PCDHGA1: variants seen among roughly 807,000 people sequenced by gnomAD.
PCDHGA1 encodes the protein protocadherin gamma subfamily A, 1.
PCDHGA1 carries 32 observed loss-of-function variants against 58.0 expected under a neutral mutation model. The ratio of observed to expected loss-of-function variants is 0.55; its 90% CI spans 0.42 to 0.74. PCDHGA1 has a LOEUF of 0.74. PCDHGA1 is among the 30% of genes least tolerant of loss of function. The pLI is 0.00. For missense variants in PCDHGA1, 1,205 were observed against 1,182.3 expected, an observed-to-expected ratio of 1.02 and a Z score of -0.28; for synonymous variants, 498 against 501.1, an observed-to-expected ratio of 0.99 and a Z score of 0.08.
intron 1 of PCDHGA1, chr5:141,345,744 G>T (rs780252025): frequency 1.9e-6 from 3 of 1,614,082 alleles, no homozygotes; most frequent in African/African-American, 1.3e-5. Flanking sequence ...CCCCACAGAC[G>T]GTTCCACTGG....
chr5:141,508,241 T>G (rs1475142426), intron 3 of PCDHGA1: 2 of 152,286 alleles, frequency 1.3e-5, no homozygotes, highest in East Asian at 3.9e-4. Context: ...CTCCTAAGTC[T>G]GCCTCTCCTG....
At chr5:141,416,717 A>G (rs1227713508) in intron 1 of PCDHGA1, 1 of 152,256 alleles carries the variant, frequency 6.6e-6, no homozygotes, top group Admixed American at 6.5e-5. Flanking sequence ...GGTACTGATG[A>G]GTTCATTTAG....
chr5:141,489,636 C>A lies in PCDHGA1; in HGVS notation c.2422-5171C>A, dbSNP rs753380268. 3.8e-5 allele frequency: 62 copies of A among 1,614,074 alleles called. No individual in the cohort carries two copies. The highest frequency in any genetic ancestry group is 5.1e-5 in the Non-Finnish European group (60 of 1,180,038). ...TGGATCTCAATGACAACTCTCCTAG[C>A]TTTGCCACCCCTGAGCGAGAGATGC... is the stretch of plus-strand genomic sequence containing the variant. On this transcript the variant is annotated intron_variant, in intron 1 of 3. Coordinates refer to ENST00000517417, the MANE Select transcript of PCDHGA1 (RefSeq NM_018912.3). The surrounding 1 kb of genome is among the most constrained non-coding windows in gnomAD (Gnocchi z 4.5).
intron 1 of PCDHGA1, chr5:141,344,367 G>T (rs1168102648): frequency 6.2e-7 from 1 of 1,613,568 alleles, no homozygotes; most frequent in Non-Finnish European, 8.5e-7. Context: ...TCTGGTTGAG[G>T]ATAAATTGAA....
intron 1 of PCDHGA1, among the ~76,000 whole-genome samples, chr5:141,488,350 C>G (rs1191478919): frequency 6.6e-6 from 1 of 152,176 alleles, no homozygotes; most frequent in Non-Finnish European, 1.5e-5. Context: ...GAAACAGCCA[C>G]CCTGTGCATC....
intron 1 of PCDHGA1, among the ~76,000 whole-genome samples, chr5:141,484,720 G>A (rs1458277947): frequency 2.6e-5 from 4 of 151,988 alleles, no homozygotes; most frequent in African/African-American, 7.2e-5. Flanking sequence ...GAAAAGGGGC[G>A]GGGTCAGTCG....
At chr5:141,400,052 T>C in intron 1 of PCDHGA1, 1 of 1,613,686 alleles carries the variant, frequency 6.2e-7, no homozygotes, top group Non-Finnish European at 8.5e-7. Context: ...CTGGTTGCTG[T>C]GCGTGATGGT....
chr5:141,501,345 A>G (rs2099808580), intron 2 of PCDHGA1, among the ~76,000 whole-genome samples: 2 of 150,582 alleles, frequency 1.3e-5, no homozygotes, highest in East Asian at 1.9e-4. Context: ...CCCAAACTCA[A>G]TAGGGCAAGA....
At chr5:141,413,500 A>C (rs1422297029) in intron 1 of PCDHGA1, 2 of 1,614,034 alleles carry the variant, frequency 1.2e-6, no homozygotes, top group South Asian at 1.1e-5. Flanking sequence ...GTGCGTGGTG[A>C]GTTTTAATAT....
At chr5:141,495,269 CGGAGGAGGCG>C (rs2099759953) in intron 2 of PCDHGA1, among the ~76,000 whole-genome samples, 1 of 152,180 alleles carries the variant, frequency 6.6e-6, no homozygotes, top group Non-Finnish European at 1.5e-5. Context: ...AGCATTTGAC[CGGAGGAGGCG>C]GTCCGCACTC....
intron 1 of PCDHGA1, among the ~76,000 whole-genome samples, chr5:141,353,036 T>C (rs764117260): frequency 6.6e-6 from 1 of 152,160 alleles, no homozygotes; most frequent in African/African-American, 2.4e-5. Flanking sequence ...CTCATTGGTG[T>C]ATAAGTAATT....
chr5:141,393,676 A>G (rs767754951), intron 1 of PCDHGA1: 2 of 1,613,954 alleles, frequency 1.2e-6, no homozygotes, highest in South Asian at 1.1e-5. Flanking sequence ...AATGAAAAAC[A>G]AACTCCGTTA....
At chr5:141,366,229 G>A in intron 1 of PCDHGA1, 2 of 1,613,808 alleles carry the variant, frequency 1.2e-6, no homozygotes, top group Non-Finnish European at 1.7e-6. Context: ...GAGCCCTGCT[G>A]GACAGAGACG....
intron 1 of PCDHGA1, chr5:141,351,527 A>C: frequency 1.2e-6 from 2 of 1,614,026 alleles, no homozygotes; most frequent in Non-Finnish European, 1.7e-6. Context: ...AGCCACCGAC[A>C]AGGGCAAACC....
intron 1 of PCDHGA1, chr5:141,428,732 T>C (rs976924838): frequency 1.3e-5 from 2 of 159,284 alleles, no homozygotes; most frequent in African/African-American, 4.8e-5. Context: ...CTTAAACATA[T>C]TATATCTACT....
chr5:141,339,996 A>G (rs894552343), intron 1 of PCDHGA1: 6 of 1,614,002 alleles, frequency 3.7e-6, no homozygotes, highest in Non-Finnish European at 4.2e-6. Context: ...GATGTGAATG[A>G]CAATGCCCCA....
intron 1 of PCDHGA1, 46 bp downstream of exon 1, chr5:141,333,151 T>A (rs1198240137): frequency 6.2e-7 from 1 of 1,611,980 alleles, no homozygotes; most frequent in Admixed American, 1.7e-5. Context: ...GAAAAATAAT[T>A]CTTGATTTAA....
At chr5:141,425,546 A>G (rs2096882460) in intron 1 of PCDHGA1, among the ~76,000 whole-genome samples, 1 of 152,202 alleles carries the variant, frequency 6.6e-6, no homozygotes, top group African/African-American at 2.4e-5. Flanking sequence ...CTTTTCAGAA[A>G]CCTCTTTTAT....
At chr5:141,427,997 A>C (rs1471083920) in intron 1 of PCDHGA1, 2 of 1,600,232 alleles carry the variant, frequency 1.2e-6, no homozygotes, top group African/African-American at 2.7e-5. Flanking sequence ...ATGGCTCCGC[A>C]CTCTTCGATA....
Sources: gnomAD v4.1 joint callset for allele counts (sites outside exome capture counted in the v4.1 genomes callset) on GRCh38, gnomAD v4.1.1 for gene constraint, Gnocchi (gnomAD v3.1) non-coding constraint, MANE v1.5 for transcripts, NCBI Gene and HGNC (gene_info 2026-07-23, HGNC 2026-07-21) for gene names.